The following UGT1A9 variants were observed in gnomAD, a reference collection of about 807,000 sequenced individuals.
UGT1A9 encodes UDP-glucuronosyltransferase 1A9.
In UGT1A9, 35 loss-of-function variants were observed where a neutral mutation model predicts 45.0. The ratio of observed to expected loss-of-function variants is 0.78; its 90% CI spans 0.59 to 1.03. The LOEUF is 1.03. Ranked by LOEUF, UGT1A9 falls within the 50% of genes least tolerant of loss-of-function variation. The pLI is 0.00. For synonymous variants in UGT1A9, 278 were observed against 250.6 expected, an observed-to-expected ratio of 1.11 and a Z score of -1.03; for missense variants, 687 against 666.6, an observed-to-expected ratio of 1.03 and a Z score of -0.34.
chr2:233,772,618 A>C lies in UGT1A9; in HGVS notation c.*59A>C. 6.4e-7 allele frequency: 1 copy of C among 1,572,114 alleles called. No homozygotes were observed. The highest frequency in any genetic ancestry group is 2.4e-5 in the East Asian group (1 of 42,372). ...CATTCCCTAGTCATTTCCAAACTTG[A>C]AAACAGAATCAGTGTTAAATTCATT... On this transcript the variant is annotated 3_prime_UTR_variant, in exon 5 of 5. Coordinates refer to ENST00000354728, the MANE Select transcript of UGT1A9 (RefSeq NM_021027.3).
intron 1 of UGT1A9, among the ~76,000 whole-genome samples, chr2:233,687,636 C>CTAA (rs2125537865): frequency 6.7e-6 from 1 of 150,176 alleles, no homozygotes; most frequent in African/African-American, 2.4e-5. Flanking sequence ...AGTGTGGTGG[C>CTAA]TCACACATGT....
chr2:233,756,002 A>C (rs541180678), intron 1 of UGT1A9: 11 of 152,292 alleles, frequency 7.2e-5, no homozygotes, highest in South Asian at 6.2e-4. Context: ...TCTGCATTCT[A>C]TCTATTGTGA....
At chr2:233,684,703 G>A (rs1041590972) in intron 1 of UGT1A9, among the ~76,000 whole-genome samples, 1 of 151,968 alleles carries the variant, frequency 6.6e-6, no homozygotes, top group Admixed American at 6.6e-5. Flanking sequence ...GGAAGGTTAT[G>A]TATTAATGTA....
intron 1 of UGT1A9, among the ~76,000 whole-genome samples, chr2:233,749,225 A>G (rs1694145904): frequency 6.6e-6 from 1 of 151,808 alleles, no homozygotes; most frequent in Non-Finnish European, 1.5e-5. Context: ...TCTAAGCTTC[A>G]TTTTTTAAAA....
intron 1 of UGT1A9, among the ~76,000 whole-genome samples, chr2:233,724,290 G>A: frequency 7.3e-6 from 1 of 136,758 alleles, no homozygotes. Flanking sequence ...GCGGGGGGCT[G>A]ACCCCCCCAC....
At chr2:233,714,116 G>A (rs869462) in intron 1 of UGT1A9, among the ~76,000 whole-genome samples, 2 of 152,116 alleles carry the variant, frequency 1.3e-5, no homozygotes, top group African/African-American at 2.4e-5. Flanking sequence ...TGTGACTCAC[G>A]GAGACTGTTC....
chr2:233,721,923 T>G, intron 1 of UGT1A9: 3 of 399,842 alleles, frequency 7.5e-6, no homozygotes, highest in South Asian at 5.8e-5. Flanking sequence ...TTCCATAAAG[T>G]GACATCCTTC....
chr2:233,719,086 T>C lies in UGT1A9; in HGVS notation c.855+46297T>C, dbSNP rs374586565. The stretch of plus-strand genomic sequence containing the variant: ...GCTGTTCCATGGACCCAGAAGGAAT[T>C]TGATCGCGTTACGCTGGGCTACACT... On this transcript the variant is annotated intron_variant, in intron 1 of 4. Transcript: ENST00000354728. 69 of 1,614,132 alleles carry C rather than the reference T, an allele frequency of 4.3e-5. No individual in the cohort carries two copies. The highest frequency in any genetic ancestry group is 5.4e-5 in the Non-Finnish European group (64 of 1,180,050).
chr2:233,729,884 C>T, intron 1 of UGT1A9: 2 of 1,613,892 alleles, frequency 1.2e-6, no homozygotes, highest in Non-Finnish European at 1.7e-6. Context: ...AGTCATGCAT[C>T]TGTGTGGCTG....
intron 1 of UGT1A9, among the ~76,000 whole-genome samples, chr2:233,725,299 C>G (rs59772713): frequency 6.9e-5 from 3 of 43,506 alleles, no homozygotes; most frequent in African/African-American, 2.7e-4. Flanking sequence ...GAGGCAGAGG[C>G]AGAGGCAGAG....
chr2:233,702,050 A>G (rs1303432202), intron 1 of UGT1A9, among the ~76,000 whole-genome samples: 1 of 152,210 alleles, frequency 6.6e-6, no homozygotes, highest in Admixed American at 6.5e-5. Context: ...AAAATTAACA[A>G]TTCACTAATT....
chr2:233,690,725 T>C (rs2075005021), intron 1 of UGT1A9: 4 of 1,213,038 alleles, frequency 3.3e-6, no homozygotes, highest in Non-Finnish European at 4.2e-6. Context: ...CGAACAGACA[T>C]GCCAGATTCC....
At chr2:233,761,211 C>A in intron 1 of UGT1A9, 2 of 1,613,736 alleles carry the variant, frequency 1.2e-6, no homozygotes, top group South Asian at 1.1e-5. Flanking sequence ...TACTTTGGAT[C>A]GATTAACTAG....
At chr2:233,691,154 G>A in intron 1 of UGT1A9, 2 of 985,746 alleles carry the variant, frequency 2.0e-6, no homozygotes, top group Non-Finnish European at 2.4e-6. Flanking sequence ...GTTCTTTGAA[G>A]GAAACCTGCC....
At chr2:233,724,403 T>TG (rs2077252164) in intron 1 of UGT1A9, among the ~76,000 whole-genome samples, 1 of 115,960 alleles carries the variant, frequency 8.6e-6, no homozygotes, top group Non-Finnish European at 1.8e-5. Flanking sequence ...ACTTCCCAGA[T>TG]GGGGTGGCTG....
intron 1 of UGT1A9, among the ~76,000 whole-genome samples, chr2:233,686,607 T>C (rs1453071423): frequency 6.6e-6 from 1 of 152,018 alleles, no homozygotes; most frequent in African/African-American, 2.4e-5. Flanking sequence ...TGACTGTCTC[T>C]CTCTCTCCTT....
At chr2:233,725,722 A>G (rs368612917) in intron 1 of UGT1A9, among the ~76,000 whole-genome samples, 6 of 152,340 alleles carry the variant, frequency 3.9e-5, no homozygotes, top group African/African-American at 1.2e-4. Flanking sequence ...CATATGGTCA[A>G]TGTTTACAAA....
chr2:233,757,099 G>A (rs1433024919), intron 1 of UGT1A9, among the ~76,000 whole-genome samples: 3 of 151,280 alleles, frequency 2.0e-5, no homozygotes, highest in Non-Finnish European at 4.4e-5. Flanking sequence ...GCAGAGGGAG[G>A]GGGCAAGCAG....
intron 1 of UGT1A9, among the ~76,000 whole-genome samples, chr2:233,695,282 T>C (rs890581828): frequency 7.9e-5 from 12 of 151,958 alleles, no homozygotes; most frequent in Non-Finnish European, 8.8e-5. Flanking sequence ...TGTGCCACCA[T>C]TCCCAGCTAA....
Sources: allele counts gnomAD v4.1 joint callset (sites outside exome capture counted in the v4.1 genomes callset), GRCh38; gene constraint gnomAD v4.1.1; transcripts MANE v1.5; gene names NCBI Gene and HGNC (gene_info 2026-07-23, HGNC 2026-07-21).